MARCHF1: variants seen among roughly 807,000 people sequenced by gnomAD.
The protein encoded by MARCHF1 is E3 ubiquitin-protein ligase MARCHF1.
In MARCHF1, 40 loss-of-function variants were observed where a neutral mutation model predicts 54.2. The observed-to-expected ratio is 0.74, with a 90% confidence interval of 0.57 to 0.96. MARCHF1 has a LOEUF of 0.96. Ranked by LOEUF, MARCHF1 falls within the 40% of genes least tolerant of loss-of-function variation. The pLI, the probability that MARCHF1 is intolerant of heterozygous loss-of-function variation, is 0.00. For synonymous variants in MARCHF1, 236 were observed against 236.3 expected, an observed-to-expected ratio of 1.00 and a Z score of 0.01; for missense variants, 586 against 656.5, an observed-to-expected ratio of 0.89 and a Z score of 1.17.
chr4:163,930,448 G>C (rs1275779897), intron 3 of MARCHF1, among the ~76,000 whole-genome samples: 5 of 151,344 alleles, frequency 3.3e-5, no homozygotes, highest in African/African-American at 1.2e-4. Context: ...TTTGGAAAAA[G>C]GACTTGTGGT....
intron 1 of MARCHF1, among the ~76,000 whole-genome samples, chr4:164,349,552 C>T (rs1286071719): frequency 6.6e-6 from 1 of 151,816 alleles, no homozygotes; most frequent in Non-Finnish European, 1.5e-5. Flanking sequence ...AGTATTTGTC[C>T]AATATTATAG....
intron 3 of MARCHF1, among the ~76,000 whole-genome samples, chr4:163,912,101 T>A (rs1751203730): frequency 6.6e-6 from 1 of 150,740 alleles, no homozygotes; most frequent in Non-Finnish European, 1.5e-5. Flanking sequence ...GTTCTAGACA[T>A]CACATCTGCA....
intron 2 of MARCHF1, among the ~76,000 whole-genome samples, chr4:164,108,197 A>G (rs1755750118): frequency 6.6e-6 from 1 of 152,082 alleles, no homozygotes; most frequent in East Asian, 1.9e-4. Context: ...TCTCCTTAGC[A>G]TTGCTCCCCA....
At chr4:163,784,543 C>T (rs1747561794) in intron 4 of MARCHF1, among the ~76,000 whole-genome samples, 1 of 152,002 alleles carries the variant, frequency 6.6e-6, no homozygotes, top group African/African-American at 2.4e-5. Context: ...TCATGGAGCA[C>T]CAGGACAATT....
At chr4:164,004,042 A>G (rs1255784131) in intron 2 of MARCHF1, among the ~76,000 whole-genome samples, 1 of 152,044 alleles carries the variant, frequency 6.6e-6, no homozygotes. Flanking sequence ...GGAACAGAAA[A>G]CCAAGTATTG....
intron 5 of MARCHF1, among the ~76,000 whole-genome samples, chr4:163,629,096 C>G (rs1055171916): frequency 9.9e-5 from 15 of 152,082 alleles, no homozygotes; most frequent in African/African-American, 3.6e-4. Context: ...ATAGACAACC[C>G]TAAGACAATC....
intron 4 of MARCHF1, among the ~76,000 whole-genome samples, chr4:163,761,519 G>T (rs899276752): frequency 6.6e-6 from 1 of 151,754 alleles, no homozygotes; most frequent in Non-Finnish European, 1.5e-5. Flanking sequence ...AATATTAAGT[G>T]GAAGAAGTTG....
intron 4 of MARCHF1, among the ~76,000 whole-genome samples, chr4:163,805,881 C>T (rs1040986541): frequency 6.6e-6 from 1 of 152,174 alleles, no homozygotes; most frequent in Non-Finnish European, 1.5e-5. Context: ...AAATACTCTA[C>T]CCCAATTTTT....
chr4:163,584,459 G>A (rs1228930127), intron 8 of MARCHF1: 2 of 152,128 alleles, frequency 1.3e-5, no homozygotes, highest in South Asian at 4.1e-4. Flanking sequence ...TCTGTCCAGC[G>A]GATGAAGCAA....
rs758486792 is a variant in MARCHF1 at position 163,613,462 on chromosome 4, T to C, written c.163-69A>G. On this transcript the variant is annotated intron_variant, in intron 5 of 9. Transcript: ENST00000514618. ...TACATGGTTGATATCTTGCTTTTTT[T>C]CCACATATTTAAAAAATTACAACAA... The C allele has an allele frequency of 6.2e-6, 10 of 1,612,576 alleles. No individual in the cohort carries two copies. The Admixed American group carries it at 1.0e-4, about 16-fold the overall frequency.
intron 1 of MARCHF1, among the ~76,000 whole-genome samples, chr4:164,211,448 G>C (rs1409303554): frequency 6.6e-6 from 1 of 150,602 alleles, no homozygotes; most frequent in Non-Finnish European, 1.5e-5. Flanking sequence ...TTATTTCTCA[G>C]TAAAAATAAC....
intron 1 of MARCHF1, among the ~76,000 whole-genome samples, chr4:164,129,526 G>A (rs1039820414): frequency 3.3e-5 from 5 of 151,978 alleles, no homozygotes; most frequent in African/African-American, 1.2e-4. Flanking sequence ...TTATCAAAAG[G>A]GATGGCATAG....
intron 1 of MARCHF1, among the ~76,000 whole-genome samples, chr4:164,283,977 T>C (rs1734085132): frequency 6.6e-6 from 1 of 150,946 alleles, no homozygotes; most frequent in South Asian, 2.1e-4. Flanking sequence ...TACTTGTGGT[T>C]AACTAAGAGA....
intron 3 of MARCHF1, among the ~76,000 whole-genome samples, chr4:163,905,873 TAC>T (rs1560813716): frequency 6.6e-6 from 1 of 152,054 alleles, no homozygotes; most frequent in African/African-American, 2.4e-5. Context: ...ATTCCAGTCA[TAC>T]AGTCAGTTTA....
At chr4:164,224,192 C>T (rs1419691406) in intron 1 of MARCHF1, among the ~76,000 whole-genome samples, 1 of 151,184 alleles carries the variant, frequency 6.6e-6, no homozygotes, top group Non-Finnish European at 1.5e-5. Context: ...GTGTCTGCAG[C>T]AGTATTTACC....
At chr4:163,755,485 G>T (rs149751520) in intron 4 of MARCHF1, among the ~76,000 whole-genome samples, 21 of 152,242 alleles carry the variant, frequency 1.4e-4, no homozygotes, top group Admixed American at 1.4e-3. Context: ...TAATACCAGG[G>T]CTCTTAGTTT....
intron 2 of MARCHF1, among the ~76,000 whole-genome samples, chr4:164,070,263 G>C (rs1056419146): frequency 6.6e-6 from 1 of 152,114 alleles, no homozygotes; most frequent in East Asian, 1.9e-4. Flanking sequence ...AGAGTTTTCT[G>C]TCATGACACA....
intron 3 of MARCHF1, among the ~76,000 whole-genome samples, chr4:163,942,014 T>C (rs942079589): frequency 6.6e-6 from 1 of 152,162 alleles, no homozygotes; most frequent in African/African-American, 2.4e-5. Context: ...TACATGAAAT[T>C]GAGTGTGAAG....
chr4:164,197,072 C>G, intron 1 of MARCHF1: 1 of 1,606,576 alleles, frequency 6.2e-7, no homozygotes, highest in Non-Finnish European at 8.5e-7. Context: ...CCATCTACCT[C>G]TCCATCGTTA....
Sources: allele counts gnomAD v4.1 joint callset (sites outside exome capture counted in the v4.1 genomes callset), GRCh38; gene constraint gnomAD v4.1.1; transcripts MANE v1.5; gene names NCBI Gene and HGNC (gene_info 2026-07-23, HGNC 2026-07-21).